DGKB: variants seen among roughly 807,000 people sequenced by gnomAD.
DGKB encodes the protein diacylglycerol kinase beta, also known as 90 kDa diacylglycerol kinase.
A neutral mutation model predicts 114.3 loss-of-function variants in DGKB; 67 were observed. The ratio of observed to expected loss-of-function variants is 0.59; its 90% CI spans 0.48 to 0.72. DGKB has a LOEUF of 0.72. Ranked by LOEUF, DGKB falls within the 30% of genes least tolerant of loss-of-function variation. The pLI, the probability that DGKB is intolerant of heterozygous loss-of-function variation, is 0.00. For synonymous variants in DGKB, 398 were observed against 323.1 expected, an observed-to-expected ratio of 1.23 and a Z score of -2.49; for missense variants, 907 against 975.2, an observed-to-expected ratio of 0.93 and a Z score of 0.93.
intron 17 of DGKB, among the ~76,000 whole-genome samples, chr7:14,599,246 T>C (rs573860570): frequency 6.6e-6 from 1 of 152,250 alleles, no homozygotes; most frequent in Non-Finnish European, 1.5e-5. Flanking sequence ...AAATGCTAAA[T>C]TGGGCCAGAT....
At chr7:14,939,336 T>C (rs1239728246) in intron 1 of DGKB, among the ~76,000 whole-genome samples, 1 of 152,188 alleles carries the variant, frequency 6.6e-6, no homozygotes, top group African/African-American at 2.4e-5. Context: ...TGTTGAGTGC[T>C]GAAAAAAGTA....
At chr7:14,835,061 C>T (rs1846962797) in intron 2 of DGKB, among the ~76,000 whole-genome samples, 1 of 152,036 alleles carries the variant, frequency 6.6e-6, no homozygotes, top group Admixed American at 6.6e-5. Context: ...ATGAAGCCAA[C>T]ATATATTCTA....
intron 23 of DGKB, among the ~76,000 whole-genome samples, chr7:14,247,086 G>A (rs1026190883): frequency 6.6e-6 from 1 of 152,104 alleles, no homozygotes; most frequent in African/African-American, 2.4e-5. Context: ...AGATCATGCA[G>A]TATTTGTCTT....
chr7:14,808,317 A>G (rs1170098661), intron 2 of DGKB, among the ~76,000 whole-genome samples: 1 of 152,078 alleles, frequency 6.6e-6, no homozygotes, highest in Non-Finnish European at 1.5e-5. Context: ...ATCCTATACA[A>G]AACTAATAAA....
intron 21 of DGKB, among the ~76,000 whole-genome samples, chr7:14,468,051 T>C (rs1176071207): frequency 1.3e-5 from 2 of 152,142 alleles, no homozygotes; most frequent in East Asian, 3.9e-4. Context: ...TCTTATTATA[T>C]TATTGATAGA....
chr7:14,302,922 C>A (rs115934963), intron 23 of DGKB, among the ~76,000 whole-genome samples: 1 of 152,036 alleles, frequency 6.6e-6, no homozygotes, highest in African/African-American at 2.4e-5. Context: ...CATAGGCCAA[C>A]GAAAATTATT....
intron 21 of DGKB, among the ~76,000 whole-genome samples, chr7:14,448,247 G>A (rs1315858272): frequency 6.6e-6 from 1 of 152,056 alleles, no homozygotes; most frequent in Non-Finnish European, 1.5e-5. Context: ...AAGATACTTA[G>A]GAAAATGGGG....
chr7:14,770,126 T>G (rs1402349789), intron 2 of DGKB, among the ~76,000 whole-genome samples: 1 of 151,970 alleles, frequency 6.6e-6, no homozygotes, highest in Non-Finnish European at 1.5e-5. Context: ...CTAATGGAAT[T>G]TTGTAAAATT....
At chr7:14,614,968 G>C (rs1039638881) in intron 15 of DGKB, among the ~76,000 whole-genome samples, 2 of 151,998 alleles carry the variant, frequency 1.3e-5, no homozygotes, top group Non-Finnish European at 2.9e-5. Context: ...AGCCATGGTG[G>C]CTGCGGATTG....
chr7:14,696,722 C>A (rs1158063220), intron 8 of DGKB, among the ~76,000 whole-genome samples: 1 of 152,148 alleles, frequency 6.6e-6, no homozygotes, highest in Admixed American at 6.5e-5. Flanking sequence ...GTGAGTCAAA[C>A]AATAAATTAA....
chr7:14,640,475 C>G (rs1325204514), intron 13 of DGKB, among the ~76,000 whole-genome samples: 2 of 152,072 alleles, frequency 1.3e-5, no homozygotes, highest in African/African-American at 2.4e-5. Context: ...TTTGGGTTTC[C>G]TTGGGCAAAT....
intron 17 of DGKB, among the ~76,000 whole-genome samples, chr7:14,604,514 T>G (rs2128772214): frequency 6.6e-6 from 1 of 152,182 alleles, no homozygotes; most frequent in East Asian, 1.9e-4. Context: ...GCAGAAAAAA[T>G]GCATACTATA....
At chr7:14,477,778 C>A (rs1782402857) in intron 21 of DGKB, among the ~76,000 whole-genome samples, 1 of 152,032 alleles carries the variant, frequency 6.6e-6, no homozygotes, top group Non-Finnish European at 1.5e-5. Flanking sequence ...TATATAATCC[C>A]TATGTAATAT....
At chr7:14,845,160 G>T (rs374766993) in intron 1 of DGKB, among the ~76,000 whole-genome samples, 1 of 127,360 alleles carries the variant, frequency 7.9e-6, no homozygotes. Flanking sequence ...AAAAAAGGAA[G>T]AAAAATATCC....
chr7:14,936,414 G>C (rs1785273858), intron 1 of DGKB, among the ~76,000 whole-genome samples: 1 of 152,158 alleles, frequency 6.6e-6, no homozygotes, highest in Non-Finnish European at 1.5e-5. Context: ...GTTTTAGAGA[G>C]TAATTAAAGA....
chr7:14,282,615 A>G (rs1416872713), intron 23 of DGKB, among the ~76,000 whole-genome samples: 195 of 149,842 alleles, frequency 1.3e-3, no homozygotes, highest in Non-Finnish European at 1.9e-3. Context: ...AATCCTCAAT[A>G]AAATACTGGC....
intron 1 of DGKB, among the ~76,000 whole-genome samples, chr7:14,873,928 TA>T (rs1396203239): frequency 6.6e-6 from 1 of 152,118 alleles, no homozygotes; most frequent in Non-Finnish European, 1.5e-5. Context: ...AAATATGGAA[TA>T]ACAATCTTAT....
intron 1 of DGKB, among the ~76,000 whole-genome samples, chr7:14,944,237 T>C (rs1785735433): frequency 6.6e-6 from 1 of 151,906 alleles, no homozygotes; most frequent in South Asian, 2.1e-4. Flanking sequence ...TCACTTTTGA[T>C]CATAAAATTA....
At chr7:14,312,431 T>G (rs1805559954) in intron 23 of DGKB, among the ~76,000 whole-genome samples, 1 of 152,252 alleles carries the variant, frequency 6.6e-6, no homozygotes, top group East Asian at 1.9e-4. Context: ...AAGTAGCACC[T>G]AACTATACTT....
Sources: allele counts gnomAD v4.1 joint callset (sites outside exome capture counted in the v4.1 genomes callset), GRCh38; gene constraint gnomAD v4.1.1; transcripts MANE v1.5; gene names NCBI Gene and HGNC (gene_info 2026-07-23, HGNC 2026-07-21).